Variants in SLC44A3 observed in about 807,000 individuals in gnomAD.
The protein encoded by SLC44A3 is choline transporter-like protein 3.
SLC44A3 carries 74 observed loss-of-function variants against 75.4 expected under a neutral mutation model. The observed-to-expected ratio is 0.98, with a 90% confidence interval of 0.81 to 1.19. The LOEUF (loss-of-function observed/expected upper bound fraction) is 1.19. Among genes scored for constraint, SLC44A3 ranks in the 50% most tolerant of loss-of-function variants. The pLI, the probability that SLC44A3 is intolerant of heterozygous loss-of-function variation, is 0.00. For missense variants in SLC44A3, 700 were observed against 778.6 expected, an observed-to-expected ratio of 0.90 and a Z score of 1.20; for synonymous variants, 310 against 296.9, an observed-to-expected ratio of 1.04 and a Z score of -0.45.
At chr1:94,880,384 A>G (rs1668815360) in intron 12 of SLC44A3, among the ~76,000 whole-genome samples, 1 of 152,232 alleles carries the variant, frequency 6.6e-6, no homozygotes, top group Admixed American at 6.5e-5. Flanking sequence ...ATCCTGTCAT[A>G]TGCTACAACA....
chr1:94,873,589 G>A (rs1222072471), intron 12 of SLC44A3, among the ~76,000 whole-genome samples: 3 of 152,170 alleles, frequency 2.0e-5, no homozygotes, highest in East Asian at 1.9e-4. Flanking sequence ...AAGCCTTTGC[G>A]GCAGACTCAA....
intron 12 of SLC44A3, among the ~76,000 whole-genome samples, chr1:94,873,998 C>T (rs1002013048): frequency 6.6e-6 from 1 of 152,202 alleles, no homozygotes; most frequent in African/African-American, 2.4e-5. Context: ...TGGTTTAGAG[C>T]TATTCTGGGC....
At chr1:94,839,921 G>C in intron 6 of SLC44A3, 27 bp from the exon 7 acceptor site, 1 of 1,556,944 alleles carries the variant, frequency 6.4e-7, no homozygotes, top group Non-Finnish European at 8.9e-7. Context: ...TGCTATTGAG[G>C]TTTATGTGTT....
intron 10 of SLC44A3, among the ~76,000 whole-genome samples, chr1:94,859,359 A>G (rs1421642016): frequency 6.6e-6 from 1 of 152,166 alleles, no homozygotes; most frequent in African/African-American, 2.4e-5. Context: ...CCAGGACAGT[A>G]AGAAACAGAG....
In SLC44A3 at chr1:94,857,439, T is replaced by G; in HGVS notation, c.1177T>G (p.Phe393Val). 1 of 1,614,058 alleles carries G rather than the reference T, an allele frequency of 6.2e-7. No individual in the cohort carries two copies. The highest frequency in any genetic ancestry group is 1.1e-5 in the South Asian group (1 of 91,062). The change falls in exon 10 of 15, where the codon TTC (phenylalanine) becomes GTC (valine). Residue 393 changes from phenylalanine to valine, a missense_variant. Phe to Val is a conservative substitution (Grantham distance 50). Coordinates refer to ENST00000271227, the MANE Select transcript of SLC44A3 (RefSeq NM_001114106.3). ...AATTGGCCTCATCTGGACTAGTGAA[T>G]TCATCCTTGCGTGCCAGCAAATGAC... ...HLIGLIWTSE[F>V]ILACQQMTIA...
rs190689263 is a variant in SLC44A3, at chr1:94,878,667, C to T, written c.1482+11250C>T. 8.0e-4 allele frequency among the ~76,000 whole-genome samples: 122 copies of T among 152,254 alleles called. No individual in the cohort carries two copies. In the East Asian group the frequency reaches 0.014, roughly 17 times the overall value. ...AGGTTCAGAAAGAAAATATCTGTCA[C>T]GCTACAAAGCCACAGTAATGAAAAT... On this transcript the variant is annotated intron_variant, in intron 12 of 14. Coordinates refer to ENST00000271227, the MANE Select transcript of SLC44A3 (RefSeq NM_001114106.3).
intron 2 of SLC44A3, among the ~76,000 whole-genome samples, chr1:94,821,552 A>AT (rs1660591411): frequency 6.6e-6 from 1 of 152,152 alleles, no homozygotes; most frequent in African/African-American, 2.4e-5. Context: ...ACAAGGAATG[A>AT]TTTTTCCCAC....
chr1:94,850,028 G>C (rs766389286), intron 9 of SLC44A3, among the ~76,000 whole-genome samples: 1 of 152,130 alleles, frequency 6.6e-6, no homozygotes, highest in East Asian at 1.9e-4. Context: ...GATTATAGGC[G>C]TGAGCCACCC....
intron 9 of SLC44A3, among the ~76,000 whole-genome samples, chr1:94,856,922 A>C (rs1055768860): frequency 6.6e-6 from 1 of 151,944 alleles, no homozygotes; most frequent in African/African-American, 2.4e-5. Context: ...GTAGAGGTGG[A>C]CTTTCACCAT....
chr1:94,895,098 A>G lies in SLC44A3; in HGVS notation c.*176A>G, dbSNP rs1329657399. On this transcript the variant is annotated 3_prime_UTR_variant, in exon 15 of 15. Coordinates refer to ENST00000271227, the MANE Select transcript of SLC44A3 (RefSeq NM_001114106.3). ...TTGACCAGGTAACAATACTGGAACT[A>G]TATTAGTTTACCTTTTTTTGTACAA... The G allele has an allele frequency of 7.3e-6, 4 of 548,982 alleles. No individual in the cohort carries two copies. Among genetic ancestry groups the G allele is most frequent in the Non-Finnish European group, 9.9e-6 (3 of 303,710 alleles). 34.0% of individuals were successfully genotyped at this position (548,982 alleles called of 1,614,324 possible). A position where few individuals can be genotyped will look rare whatever the true frequency, so the allele number is the denominator to read the frequency against.
At chr1:94,833,747 A>T (rs1005669047) in intron 5 of SLC44A3, among the ~76,000 whole-genome samples, 4 of 152,118 alleles carry the variant, frequency 2.6e-5, no homozygotes, top group Admixed American at 2.0e-4. Flanking sequence ...GAGTCACATG[A>T]CAAGTCTAGT....
intron 12 of SLC44A3, among the ~76,000 whole-genome samples, chr1:94,888,160 TA>T (rs1669808512): frequency 6.6e-6 from 1 of 152,190 alleles, no homozygotes; most frequent in South Asian, 2.1e-4. Context: ...TAGTCAGTGG[TA>T]GAATTGGGAT....
intron 10 of SLC44A3, among the ~76,000 whole-genome samples, chr1:94,862,356 A>G (rs1204500041): frequency 6.6e-6 from 1 of 152,218 alleles, no homozygotes; most frequent in African/African-American, 2.4e-5. Context: ...ACGAGGCTGG[A>G]TCTAACTAGA....
intron 10 of SLC44A3, among the ~76,000 whole-genome samples, chr1:94,857,790 G>A (rs1666080520): frequency 6.7e-6 from 1 of 148,528 alleles, no homozygotes; most frequent in Non-Finnish European, 1.5e-5. Context: ...AAAAGGGGCT[G>A]CTCTGCCTAT....
At chr1:94,868,833 C>T (rs1667452764) in intron 12 of SLC44A3, among the ~76,000 whole-genome samples, 1 of 152,278 alleles carries the variant, frequency 6.6e-6, no homozygotes, top group African/African-American at 2.4e-5. Context: ...TCTCACTGTA[C>T]TACGGGAATT....
chr1:94,868,295 T>C (rs192501767), intron 12 of SLC44A3, among the ~76,000 whole-genome samples: 159 of 152,316 alleles, frequency 1.0e-3, no homozygotes, highest in African/African-American at 3.7e-3. Context: ...TTTCTTATAA[T>C]TGCCCCCTCC....
intron 2 of SLC44A3, among the ~76,000 whole-genome samples, chr1:94,821,533 C>A (rs1660588697): frequency 4.6e-5 from 7 of 152,124 alleles, no homozygotes; most frequent in Admixed American, 4.6e-4. Flanking sequence ...ACACTGTTAA[C>A]CATAGCTAAC....
chr1:94,837,970 A>G, intron 6 of SLC44A3, 99 bp downstream of exon 6: 2 of 1,100,782 alleles, frequency 1.8e-6, no homozygotes, highest in East Asian at 2.7e-5. Context: ...CTTGTTTTAA[A>G]TATAAAACTC....
chr1:94,893,141 A>T (rs1373169195), intron 14 of SLC44A3, among the ~76,000 whole-genome samples: 1 of 152,238 alleles, frequency 6.6e-6, no homozygotes, highest in East Asian at 1.9e-4. Flanking sequence ...TCCTGGGTAG[A>T]CAGGGATATT....
Sources: gnomAD v4.1 joint callset for allele counts (sites outside exome capture counted in the v4.1 genomes callset) on GRCh38, gnomAD v4.1.1 for gene constraint, MANE v1.5 for transcripts, NCBI Gene and HGNC (gene_info 2026-07-23, HGNC 2026-07-21) for gene names.